The following CSMD1 variants were observed in gnomAD, a reference collection of about 807,000 sequenced individuals.
The protein encoded by CSMD1 is CUB and sushi domain-containing protein 1.
Under a neutral mutation model 417.5 loss-of-function variants are expected in CSMD1, and 213 were observed. That is an observed-to-expected ratio of 0.51 (90% CI 0.46 to 0.57). The LOEUF is 0.57. Ranked by LOEUF, CSMD1 falls within the 20% of genes least tolerant of loss-of-function variation. CSMD1 has a pLI of 0.00. For synonymous variants in CSMD1, 2,862 were observed against 1,736.8 expected, an observed-to-expected ratio of 1.65 and a Z score of -16.11; for missense variants, 6,923 against 4,529.7, an observed-to-expected ratio of 1.53 and a Z score of -15.17.
intron 54 of CSMD1, among the ~76,000 whole-genome samples, chr8:2,988,829 T>C (rs10106397): frequency 6.6e-6 from 1 of 152,180 alleles, no homozygotes; most frequent in African/African-American, 2.4e-5. Context: ...AGCTGCATCC[T>C]GTGAAGGGTT....
intron 28 of CSMD1, among the ~76,000 whole-genome samples, chr8:3,221,825 G>A (rs570038964): frequency 3.4e-4 from 52 of 152,090 alleles, no homozygotes; most frequent in African/African-American, 1.2e-3. Context: ...AGCCCTGAAC[G>A]AGCCTGGGAG....
At chr8:4,096,709 C>G (rs924337060) in intron 3 of CSMD1, among the ~76,000 whole-genome samples, 2 of 152,196 alleles carry the variant, frequency 1.3e-5, no homozygotes, top group African/African-American at 4.8e-5. Context: ...ACTCACTAAT[C>G]CATAGGTAAT....
chr8:4,118,341 C>A (rs1015640599), intron 3 of CSMD1, among the ~76,000 whole-genome samples: 2 of 150,844 alleles, frequency 1.3e-5, no homozygotes, highest in Non-Finnish European at 2.9e-5. Context: ...AGAAGCTTTG[C>A]AATCTACCCA....
intron 3 of CSMD1, among the ~76,000 whole-genome samples, chr8:4,407,932 T>C (rs1185799432): frequency 6.6e-6 from 1 of 152,166 alleles, no homozygotes; most frequent in Non-Finnish European, 1.5e-5. Context: ...CAGCATCTTA[T>C]TCCTGCACAA....
intron 2 of CSMD1, among the ~76,000 whole-genome samples, chr8:4,601,450 T>C (rs989155699): frequency 6.6e-6 from 1 of 152,158 alleles, no homozygotes; most frequent in Non-Finnish European, 1.5e-5. Flanking sequence ...GATCATCTCA[T>C]CTGTTCCTGA....
chr8:4,395,135 T>G (rs1464372312), intron 3 of CSMD1, among the ~76,000 whole-genome samples: 1 of 152,120 alleles, frequency 6.6e-6, no homozygotes, highest in Admixed American at 6.5e-5. Flanking sequence ...GCTGAAGCCC[T>G]TTGTCCCTGC....
chr8:4,692,936 A>G (rs2617014), intron 1 of CSMD1, among the ~76,000 whole-genome samples: 95,633 of 152,062 alleles, frequency 0.63, 31,014 homozygotes, highest in African/African-American at 0.78. Context: ...TGCCTCATTG[A>G]CAGTGGGCCA....
At chr8:4,416,276 TAAAG>T (rs1282520292) in intron 3 of CSMD1, among the ~76,000 whole-genome samples, 1 of 152,154 alleles carries the variant, frequency 6.6e-6, no homozygotes, top group Non-Finnish European at 1.5e-5. Context: ...TACTGGATCA[TAAAG>T]AATACAATTA....
chr8:4,082,647 G>A (rs925872784), intron 3 of CSMD1, among the ~76,000 whole-genome samples: 4 of 151,650 alleles, frequency 2.6e-5, no homozygotes, highest in African/African-American at 7.3e-5. Flanking sequence ...AACTTTTAGG[G>A]TACATGTGCA....
chr8:4,156,103 T>C (rs1297031057), intron 3 of CSMD1, among the ~76,000 whole-genome samples: 1 of 152,124 alleles, frequency 6.6e-6, no homozygotes, highest in Non-Finnish European at 1.5e-5. Flanking sequence ...CAGAGCATAA[T>C]AATCATCCGA....
chr8:3,300,683 C>T (rs970716414), intron 25 of CSMD1, among the ~76,000 whole-genome samples: 2 of 151,912 alleles, frequency 1.3e-5, no homozygotes, highest in Middle Eastern at 3.2e-3. Flanking sequence ...ATGGCCAGGC[C>T]TGGTGGCTCA....
intron 1 of CSMD1, among the ~76,000 whole-genome samples, chr8:4,925,366 A>G (rs1190592297): frequency 6.6e-6 from 1 of 151,522 alleles, no homozygotes; most frequent in Non-Finnish European, 1.5e-5. Context: ...TTGAAACCTG[A>G]CATTTCTTTA....
At chr8:3,663,696 C>G (rs551456841) in intron 7 of CSMD1, among the ~76,000 whole-genome samples, 1 of 152,308 alleles carries the variant, frequency 6.6e-6, no homozygotes, top group African/African-American at 2.4e-5. Flanking sequence ...AACCCCTTCT[C>G]TGCTTCCAGC....
intron 5 of CSMD1, among the ~76,000 whole-genome samples, chr8:3,837,197 G>A (rs183776759): frequency 2.6e-5 from 4 of 151,978 alleles, no homozygotes; most frequent in Admixed American, 2.6e-4. Flanking sequence ...TGTGGTCAAA[G>A]AAAACATTGG....
chr8:4,180,297 A>T (rs949964665), intron 3 of CSMD1, among the ~76,000 whole-genome samples: 1 of 152,090 alleles, frequency 6.6e-6, no homozygotes, highest in African/African-American at 2.4e-5. Flanking sequence ...TGACACTGGA[A>T]ATCATCATTG....
chr8:3,850,173 T>C (rs555828048), intron 5 of CSMD1, among the ~76,000 whole-genome samples: 8 of 152,374 alleles, frequency 5.3e-5, no homozygotes, highest in Middle Eastern at 3.4e-3. Flanking sequence ...AAGTGTCTGC[T>C]GTATAGGCAA....
chr8:2,954,096 T>C (rs1443165486), intron 65 of CSMD1, 128 bp downstream of exon 65: 25 of 459,656 alleles, frequency 5.4e-5, no homozygotes, highest in South Asian at 2.5e-4. Flanking sequence ...TTTTAAATAA[T>C]TGAAACATTA....
intron 52 of CSMD1, among the ~76,000 whole-genome samples, chr8:3,007,763 G>T (rs968741010): frequency 2.4e-5 from 3 of 125,974 alleles, no homozygotes. Flanking sequence ...ACACTCTGGG[G>T]ACCGCTGTGG....
intron 7 of CSMD1, among the ~76,000 whole-genome samples, chr8:3,669,661 A>G (rs1798887581): frequency 6.6e-6 from 1 of 152,054 alleles, no homozygotes. Context: ...AACTCAACAG[A>G]TGTTAGCTCA....
Sources: allele counts gnomAD v4.1 joint callset (sites outside exome capture counted in the v4.1 genomes callset), GRCh38; gene constraint gnomAD v4.1.1; transcripts MANE v1.5; gene names NCBI Gene and HGNC (gene_info 2026-07-23, HGNC 2026-07-21).